The following TMEM39A variants were observed in gnomAD, a reference collection of about 807,000 sequenced individuals.
TMEM39A encodes the protein suppressor of SQST-1 aggregates in rpl-43 mutants.
In TMEM39A, 19 loss-of-function variants were observed where a neutral mutation model predicts 51.9. That is an observed-to-expected ratio of 0.37 (90% CI 0.26 to 0.54). The LOEUF (loss-of-function observed/expected upper bound fraction) is 0.54, where lower values mean the gene tolerates loss of function less well. Ranked by LOEUF, TMEM39A falls within the 20% of genes least tolerant of loss-of-function variation. The pLI, the probability that TMEM39A is intolerant of heterozygous loss-of-function variation, is 0.88. For synonymous variants in TMEM39A, 197 were observed against 220.2 expected (o/e 0.89, Z 0.93); for missense variants, 433 against 590.5 (o/e 0.73, Z 2.76).
chr3:119,462,633 A>AAGGGG (rs1553773878), intron 1 of TMEM39A, among the ~76,000 whole-genome samples: 1 of 2,258 alleles, frequency 4.4e-4, no homozygotes, highest in Non-Finnish European at 7.1e-4. Flanking sequence ...TGTTTCTTCA[A>AAGGGG]GGGGGGGGGG....
intron 5 of TMEM39A, among the ~76,000 whole-genome samples, chr3:119,439,820 T>TACAGTAGCGAGATTACGGCTC (rs2081026380): frequency 6.6e-6 from 1 of 151,464 alleles, no homozygotes; most frequent in Non-Finnish European, 1.5e-5. Context: ...CAGACTGGAG[T>TACAGTAGCGAGATTACGGCTC]ACAGTAGCGA....
intron 5 of TMEM39A, among the ~76,000 whole-genome samples, chr3:119,443,071 A>G (rs2081076560): frequency 6.6e-6 from 1 of 151,192 alleles, no homozygotes; most frequent in Non-Finnish European, 1.5e-5. Flanking sequence ...CTCAAAAAAA[A>G]AAAAAAAAAA....
intron 2 of TMEM39A, among the ~76,000 whole-genome samples, chr3:119,459,709 G>A (rs2081313843): frequency 6.6e-6 from 1 of 152,110 alleles, no homozygotes; most frequent in Non-Finnish European, 1.5e-5. Flanking sequence ...CTAGCTCCTT[G>A]ACATTCTAGA....
chr3:119,449,655 A>G (rs1285109702), intron 4 of TMEM39A, among the ~76,000 whole-genome samples: 1 of 151,060 alleles, frequency 6.6e-6, no homozygotes, highest in African/African-American at 2.4e-5. Flanking sequence ...GGTCTTCAAT[A>G]ATGAGATTGT....
Position 119,429,975 on chromosome 3 carries a change from T to G in TMEM39A, c.*2006A>C, listed in dbSNP as rs2080878859. 6.6e-6 allele frequency: 1 copy of G among 152,046 alleles called. No individual in the cohort carries two copies. Among genetic ancestry groups the G allele is most frequent in the Non-Finnish European group, 1.5e-5 (1 of 67,988 alleles). 9.4% of individuals were successfully genotyped at this position (152,046 alleles called of 1,614,324 possible). On this transcript the variant is annotated 3_prime_UTR_variant, in exon 9 of 9. Transcript: ENST00000319172. ...AGCTGGAGCCAAGTTGGGGCAATTT[T>G]GATGAGATATCTCTGTGCCCATGCC...
intron 6 of TMEM39A, among the ~76,000 whole-genome samples, 161 bp downstream of exon 6, chr3:119,437,594 G>A (rs914610557): frequency 6.6e-6 from 1 of 151,180 alleles, no homozygotes; most frequent in Admixed American, 6.6e-5. Context: ...ATACCTATCC[G>A]CCAACCAGGA....
At chr3:119,434,138 T>A (rs1439197911) in intron 8 of TMEM39A, among the ~76,000 whole-genome samples, 1 of 152,188 alleles carries the variant, frequency 6.6e-6, no homozygotes, top group Non-Finnish European at 1.5e-5. Context: ...CTTTCTTTTA[T>A]AAGTATATAC....
At chr3:119,453,286 T>C (rs2081222913) in intron 3 of TMEM39A, among the ~76,000 whole-genome samples, 3 of 152,158 alleles carry the variant, frequency 2.0e-5, no homozygotes, top group South Asian at 2.1e-4. Context: ...AATCTATACA[T>C]AGCATCCACA....
chr3:119,463,133 G>C (rs776964531), intron 1 of TMEM39A, among the ~76,000 whole-genome samples: 3 of 152,214 alleles, frequency 2.0e-5, no homozygotes, highest in Non-Finnish European at 4.4e-5. Flanking sequence ...ACAAGCAAAG[G>C]GAAAGAAAAG....
intron 5 of TMEM39A, among the ~76,000 whole-genome samples, chr3:119,446,277 C>A (rs1341682915): frequency 6.6e-6 from 1 of 152,176 alleles, no homozygotes; most frequent in Non-Finnish European, 1.5e-5. Flanking sequence ...GTGAGCATAA[C>A]TACACTTTGG....
chr3:119,435,745 T>A, intron 7 of TMEM39A: 1 of 1,030,982 alleles, frequency 9.7e-7, no homozygotes, highest in Non-Finnish European at 1.2e-6. Context: ...CCGGCCTTGC[T>A]CACACTTACC....
rs374229411 is a variant in TMEM39A at position 119,457,010 on chromosome 3, G to A, written c.336+1008C>T. On this transcript the variant is annotated intron_variant, in intron 3 of 8. Transcript: ENST00000319172. Reference sequence around the variant, plus strand: ...TTTTGAGACAGAGTCTCGCTCTGTCGCCCAGGCTGGAGTGCAGCGGCTCGA... The same window carrying A: ...TTTTGAGACAGAGTCTCGCTCTGTCACCCAGGCTGGAGTGCAGCGGCTCGA... Among the ~76,000 whole-genome samples, 101 of 146,916 alleles carry A rather than the reference G, an allele frequency of 6.9e-4. 1 individual carries two copies. In the South Asian group the frequency reaches 0.02, roughly 30 times the overall value.
At chr3:119,461,755 A>G (rs528170244) in intron 2 of TMEM39A, among the ~76,000 whole-genome samples, 118 of 152,332 alleles carry the variant, frequency 7.7e-4, no homozygotes, top group South Asian at 1.4e-3. Flanking sequence ...AAAGAATGGG[A>G]CTGCTTTCAC....
chr3:119,446,846 A>C, intron 5 of TMEM39A, 172 bp downstream of exon 5: 1 of 732,748 alleles, frequency 1.4e-6, no homozygotes, highest in South Asian at 1.9e-5. Context: ...TCCCAACTGT[A>C]CTCCAGTTTA....
rs2080992103 is a variant in TMEM39A at position 119,437,795 on chromosome 3, C to T, written c.884G>A (p.Ser295Asn). Reference protein sequence around the residue: ...IKEVLFNSLFSAYYVAFLPLC... With the variant: ...IKEVLFNSLFNAYYVAFLPLC... ...GGGGAGAAATGCAACATAGTAGGCA[C>T]TGAAGAGGGAGTTGAAGAGAACCTC... Residue 295 changes from serine to asparagine, a missense_variant, in exon 6 of 9, where the codon AGT becomes AAT. Physicochemically the swap from Ser to Asn is conservative, Grantham distance 46. Coordinates refer to ENST00000319172, the MANE Select transcript of TMEM39A (RefSeq NM_018266.3). The T allele has an allele frequency of 1.9e-6, 3 of 1,587,472 alleles. No homozygotes were observed. The highest frequency in any genetic ancestry group is 2.6e-6 in the Non-Finnish European group (3 of 1,161,272).
chr3:119,449,661 A>AG lies in TMEM39A; in HGVS notation c.421-2490_421-2489insC, dbSNP rs1255407585. Among the ~76,000 whole-genome samples, 11 of 151,702 alleles carry AG rather than the reference A, an allele frequency of 7.3e-5. 1 individual carries two copies. In the East Asian group the frequency reaches 2.2e-3, roughly 30 times the overall value. On this transcript the variant is annotated intron_variant, in intron 4 of 8. Coordinates refer to ENST00000319172, the MANE Select transcript of TMEM39A (RefSeq NM_018266.3). ...AAAAAAAGTGGTCTTCAATAATGAG[A>AG]TTGTGAGCAATTTTTAAATGTCCTG... is the stretch of plus-strand genomic sequence containing the variant.
Position 119,454,785 on chromosome 3 carries a change from C to G in TMEM39A, c.337-2255G>C, listed in dbSNP as rs147779732. On this transcript the variant is annotated intron_variant, in intron 3 of 8. Coordinates refer to ENST00000319172, the MANE Select transcript of TMEM39A (RefSeq NM_018266.3). ...GCCTGCTGACAGAGCCAAACTCCGTCTCAAAAAAAAAATCAAAATATTTAA... is the reference window on the plus strand; with the variant it reads ...GCCTGCTGACAGAGCCAAACTCCGTGTCAAAAAAAAAATCAAAATATTTAA... Among the ~76,000 whole-genome samples the G allele has an allele frequency of 2.6e-5, 4 of 151,366 alleles. No individual in the cohort carries two copies. In the East Asian group the frequency reaches 5.8e-4, roughly 22 times the overall value.
chr3:119,445,261 T>A (rs377343054), intron 5 of TMEM39A, among the ~76,000 whole-genome samples: 16 of 152,092 alleles, frequency 1.1e-4, no homozygotes, highest in East Asian at 3.9e-4. Context: ...TATTTTATTT[T>A]ATTTATTTAT....
At chr3:119,447,512 G>A (rs1034102904) in intron 4 of TMEM39A, among the ~76,000 whole-genome samples, 10 of 152,120 alleles carry the variant, frequency 6.6e-5, no homozygotes, top group Non-Finnish European at 1.2e-4. Flanking sequence ...CTACTAATTG[G>A]ACATGTAAAC....
Sources: gnomAD v4.1 joint callset for allele counts (sites outside exome capture counted in the v4.1 genomes callset) on GRCh38, gnomAD v4.1.1 for gene constraint, MANE v1.5 for transcripts, NCBI Gene and HGNC (gene_info 2026-07-23, HGNC 2026-07-21) for gene names.